MYO18B: variants seen among roughly 807,000 people sequenced by gnomAD.
The protein encoded by MYO18B is myosin XVIIIB, also known as unconventional myosin-XVIIIb.
A neutral mutation model predicts 273.0 loss-of-function variants in MYO18B; 204 were observed. That is an observed-to-expected ratio of 0.75 (90% confidence interval 0.67 to 0.84). The LOEUF (loss-of-function observed/expected upper bound fraction) is 0.84, where lower values mean the gene tolerates loss of function less well. Ranked by LOEUF, MYO18B falls within the 40% of genes least tolerant of loss-of-function variation. MYO18B has a pLI of 0.00. For missense variants in MYO18B, 3,212 were observed against 3,287.6 expected, an observed-to-expected ratio of 0.98 and a Z score of 0.56; for synonymous variants, 1,330 against 1,305.7, an observed-to-expected ratio of 1.02 and a Z score of -0.40.
intron 21 of MYO18B, among the ~76,000 whole-genome samples, chr22:25,861,573 G>T (rs2090738477): frequency 6.6e-6 from 1 of 152,046 alleles, no homozygotes; most frequent in Admixed American, 6.5e-5. Context: ...ATGGTATATA[G>T]TTGAATCTTT....
intron 34 of MYO18B, among the ~76,000 whole-genome samples, chr22:25,930,275 C>G (rs1430022447): frequency 2.6e-5 from 4 of 152,140 alleles, no homozygotes; most frequent in African/African-American, 9.7e-5. Context: ...TTGTCACTCC[C>G]TGTAATTATT....
intron 39 of MYO18B, among the ~76,000 whole-genome samples, chr22:25,972,191 T>C (rs1242657559): frequency 6.6e-6 from 1 of 151,644 alleles, no homozygotes; most frequent in Non-Finnish European, 1.5e-5. Flanking sequence ...GGTCATTACA[T>C]ATATATTTTT....
rs536919827 is a variant in MYO18B, at chr22:25,768,366, G to A, written c.450G>A (p.Arg150=). Residue 150 remains arginine (R), a synonymous_variant, in exon 4 of 44, where the codon AGG becomes AGA. Coordinates refer to ENST00000335473, the MANE Select transcript of MYO18B (RefSeq NM_032608.7). ...KTVPFKRGVR[R]GDVLLMVAKL... is the part of the protein sequence containing the mutation. The stretch of plus-strand genomic sequence containing the variant: ...TCCCCTTCAAGAGGGGCGTGAGGAG[G>A]GGTGATGTGTTGTTGATGGTGGCCA... 23 of 1,613,838 alleles carry A rather than the reference G, an allele frequency of 1.4e-5. No homozygotes were observed. In the South Asian group the frequency reaches 2.3e-4, roughly 16 times the overall value.
chr22:26,022,245 C>G (rs1033866876), intron 42 of MYO18B, among the ~76,000 whole-genome samples: 1 of 149,180 alleles, frequency 6.7e-6, no homozygotes, highest in Non-Finnish European at 1.5e-5. Context: ...TGAGCCACAC[C>G]GACCTGGTCC....
At chr22:25,761,473 G>A (rs2086315257) in intron 2 of MYO18B, among the ~76,000 whole-genome samples, 1 of 152,160 alleles carries the variant, frequency 6.6e-6, no homozygotes, top group Non-Finnish European at 1.5e-5. Flanking sequence ...GGTGGGAGGA[G>A]GGGCACATGG....
At chr22:25,869,704 G>C (rs2090995812) in intron 22 of MYO18B, among the ~76,000 whole-genome samples, 1 of 152,072 alleles carries the variant, frequency 6.6e-6, no homozygotes, top group Non-Finnish European at 1.5e-5. Flanking sequence ...TGTACTTCAT[G>C]GAGCCCTCCC....
At chr22:25,983,824 C>T (rs551225947) in intron 39 of MYO18B, among the ~76,000 whole-genome samples, 3 of 152,332 alleles carry the variant, frequency 2.0e-5, no homozygotes, top group Admixed American at 6.5e-5. Context: ...CTCTGGGCAG[C>T]GCTATTGAGG....
chr22:25,967,286 T>G (rs2092989830), intron 39 of MYO18B, among the ~76,000 whole-genome samples: 1 of 152,188 alleles, frequency 6.6e-6, no homozygotes. Context: ...CAATTTATAT[T>G]GTTTAGATGA....
chr22:25,898,319 C>G lies in MYO18B; in HGVS notation c.4681C>G (p.Gln1561Glu). 6.2e-7 allele frequency: 1 copy of G among 1,613,478 alleles called. No individual in the cohort carries two copies. Among genetic ancestry groups the G allele is most frequent in the South Asian group, 1.1e-5 (1 of 90,958 alleles). ...KELEQKLGEL[Q>E]SAYDGAKKMA... The stretch of plus-strand genomic sequence containing the variant: ...ATTACTCTTACAGCTTGGGGAGTTG[C>G]AAAGTGCTTATGACGGGGCCAAGAA... Residue 1561 changes from glutamine (Q) to glutamate (E), a missense_variant, in exon 29 of 44, where the codon CAA becomes GAA. Transcript: ENST00000335473.
chr22:26,022,449 A>G (rs1448757086), intron 42 of MYO18B, among the ~76,000 whole-genome samples: 1 of 152,176 alleles, frequency 6.6e-6, no homozygotes, highest in Non-Finnish European at 1.5e-5. Context: ...TTCAGTCTCT[A>G]TACAGAAAGA....
intron 21 of MYO18B, among the ~76,000 whole-genome samples, chr22:25,866,695 C>T (rs898301715): frequency 1.4e-5 from 2 of 144,082 alleles, no homozygotes; most frequent in African/African-American, 2.6e-5. Flanking sequence ...AAAAATTAGC[C>T]GGGCGTGGTG....
chr22:25,903,975 T>C, intron 31 of MYO18B, 144 bp downstream of exon 31: 2 of 870,636 alleles, frequency 2.3e-6, no homozygotes, highest in Non-Finnish European at 3.5e-6. Flanking sequence ...TTTAAGCTCC[T>C]AAGTCTGACA....
At chr22:25,969,082 A>C (rs979583295) in intron 39 of MYO18B, among the ~76,000 whole-genome samples, 2 of 152,132 alleles carry the variant, frequency 1.3e-5, no homozygotes, top group African/African-American at 4.8e-5. Context: ...GGTTGGGGAA[A>C]TTACTACCTC....
intron 25 of MYO18B, among the ~76,000 whole-genome samples, chr22:25,885,334 G>A (rs76754669): frequency 8.7e-4 from 133 of 152,264 alleles, no homozygotes; most frequent in African/African-American, 2.8e-3. Flanking sequence ...TGAACCCAGG[G>A]CTGGTCAACT....
chr22:25,890,929 G>A (rs934297943), intron 26 of MYO18B, 54 bp downstream of exon 26: 1 of 1,587,006 alleles, frequency 6.3e-7, no homozygotes, highest in Admixed American at 1.8e-5. Flanking sequence ...AAAAATGGTT[G>A]GGTCTGCTCC....
chr22:26,044,262 TC>T, the MYO18B span, among the ~76,000 whole-genome samples: 2 of 152,226 alleles, frequency 1.3e-5, no homozygotes, highest in African/African-American at 2.4e-5. Context: ...AATATTTTCT[TC>T]CAGTCTGTGG....
chr22:25,897,520 G>GT (rs1266028591), intron 28 of MYO18B: 44 of 152,178 alleles, frequency 2.9e-4, no homozygotes, highest in Non-Finnish European at 1.0e-4. Flanking sequence ...AGTTGAGTCA[G>GT]TTTCCCTGAT....
chr22:25,798,020 T>C lies in MYO18B; in HGVS notation c.2444T>C (p.Ile815Thr), dbSNP rs1295274219. The change falls in exon 12 of 44, where the codon ATC (isoleucine) becomes ACC (threonine). Residue 815 changes from isoleucine (I) to threonine (T), a missense_variant. By Grantham distance (89) the Ile-to-Thr change is moderately conservative. Transcript: ENST00000335473. ...QLQGAMEMLG[I>T]SESEQRAVWR... Reference sequence around the variant, plus strand: ...CAGGGTGCCATGGAGATGCTCGGCATCTCAGAGAGCGAGCAGCGGGCTGTT... The same window carrying C: ...CAGGGTGCCATGGAGATGCTCGGCACCTCAGAGAGCGAGCAGCGGGCTGTT... The C allele has an allele frequency of 1.6e-5, 26 of 1,613,586 alleles. No individual in the cohort carries two copies. Among genetic ancestry groups the C allele is most frequent in the East Asian group, 2.2e-5 (1 of 44,864 alleles).
chr22:25,933,047 A>G (rs953092920), intron 34 of MYO18B, among the ~76,000 whole-genome samples: 1 of 152,104 alleles, frequency 6.6e-6, no homozygotes. Flanking sequence ...AACTGCTTCC[A>G]TTATTTTCAT....
Sources: gnomAD v4.1 joint callset for allele counts (sites outside exome capture counted in the v4.1 genomes callset) on GRCh38, gnomAD v4.1.1 for gene constraint, MANE v1.5 for transcripts, NCBI Gene and HGNC (gene_info 2026-07-23, HGNC 2026-07-21) for gene names.